Variants in LRBA observed in about 807,000 individuals in gnomAD.
LRBA encodes lipopolysaccharide-responsive and beige-like anchor protein.
A neutral mutation model predicts 330.0 loss-of-function variants in LRBA; 176 were observed. The observed-to-expected ratio is 0.53, with a 90% CI of 0.47 to 0.60. The LOEUF (loss-of-function observed/expected upper bound fraction) is 0.60. Ranked by LOEUF, LRBA falls within the 20% of genes least tolerant of loss-of-function variation. The probability of loss-of-function intolerance (pLI) is 0.00; values close to 1 mark genes in which losing one functional copy is unlikely to be tolerated. For missense variants in LRBA, 3,259 were observed against 3,444.8 expected (o/e 0.95, Z 1.35); for synonymous variants, 1,230 against 1,193.0 (o/e 1.03, Z -0.64).
rs926244428 is a variant in LRBA at position 150,364,831 on chromosome 4, A to G, written c.7195-14672T>C. On this transcript the variant is annotated intron_variant, in intron 47 of 56. Coordinates refer to ENST00000651943, the MANE Select transcript of LRBA (RefSeq NM_001364905.1). ...ATTCTTGGAACTGAGCATATAGTAGATGCCCAATAAATATTTATTGAGCTG... is the reference window on the plus strand; with the variant it reads ...ATTCTTGGAACTGAGCATATAGTAGGTGCCCAATAAATATTTATTGAGCTG... Among the ~76,000 whole-genome samples the G allele has an allele frequency of 2.0e-5, 3 of 152,264 alleles. No individual in the cohort carries two copies. The East Asian group carries it at 5.8e-4, about 29-fold the overall frequency.
In LRBA at chr4:150,639,811, GTGTGTGTGTATATATATA is replaced by G. The variant is rs1778426399; in HGVS notation, c.5922-40698_5922-40681del. On this transcript the variant is annotated intron_variant, in intron 37 of 56. Transcript: ENST00000651943. ...TGTGTGTATATATATATATATGTGT[GTGTGTGTGTATATATATA>G]TATATATATATATATATATATATAT... 4.1e-3 allele frequency among the ~76,000 whole-genome samples: 57 copies of G among 13,830 alleles called. 10 individuals carry two copies. Among genetic ancestry groups the G allele is most frequent in the East Asian group, 0.034 (11 of 328 alleles). The allele number at this position is 13,830 out of a possible 152,430, so 9.1% of individuals were successfully genotyped here. A position where few individuals can be genotyped will look rare whatever the true frequency, so the allele number is the denominator to read the frequency against.
intron 2 of LRBA, among the ~76,000 whole-genome samples, chr4:150,941,010 T>G (rs963980454): frequency 2.0e-5 from 3 of 152,090 alleles, no homozygotes; most frequent in Admixed American, 6.6e-5. Context: ...CTGTGCTGCT[T>G]TTTTAACGGG....
chr4:150,479,796 T>C (rs548302837), intron 42 of LRBA, among the ~76,000 whole-genome samples: 1 of 152,182 alleles, frequency 6.6e-6, no homozygotes, highest in African/African-American at 2.4e-5. Context: ...TCCCATGTCA[T>C]GTAACACTCC....
chr4:150,755,877 GA>G lies in LRBA; in HGVS notation c.5645+5905del, dbSNP rs779015665. 7.8e-3 allele frequency among the ~76,000 whole-genome samples: 1,078 copies of G among 138,126 alleles called. 4 individuals are homozygous for G. Among genetic ancestry groups the G allele is most frequent in the Non-Finnish European group, 0.011 (683 of 63,110 alleles). 90.6% of individuals were successfully genotyped at this position (138,126 alleles called of 152,430 possible). On this transcript the variant is annotated intron_variant, in intron 35 of 56. Coordinates refer to ENST00000651943, the MANE Select transcript of LRBA (RefSeq NM_001364905.1). ...ACATGGCAAAACCCCATCTCTACAA[GA>G]AAAAAAAAAAAATTAAAAATTAGCC... is the stretch of plus-strand genomic sequence containing the variant.
At chr4:150,883,993 T>C (rs1560959016) in intron 17 of LRBA, among the ~76,000 whole-genome samples, 1 of 152,112 alleles carries the variant, frequency 6.6e-6, no homozygotes, top group East Asian at 1.9e-4. Context: ...CTGAAAAATA[T>C]TTATTGTTGA....
chr4:150,376,391 A>C (rs1247410011), intron 47 of LRBA, among the ~76,000 whole-genome samples: 1 of 152,232 alleles, frequency 6.6e-6, no homozygotes, highest in Non-Finnish European at 1.5e-5. Context: ...GTTTTCGCCT[A>C]AATAAAATAA....
At chr4:150,785,972 T>C (rs1430306387) in intron 34 of LRBA, among the ~76,000 whole-genome samples, 1 of 152,160 alleles carries the variant, frequency 6.6e-6, no homozygotes, top group Non-Finnish European at 1.5e-5. Flanking sequence ...CGGAATCATC[T>C]TTGGGAGCCT....
chr4:150,304,688 G>C (rs1253854060), intron 52 of LRBA, among the ~76,000 whole-genome samples: 1 of 151,954 alleles, frequency 6.6e-6, no homozygotes, highest in South Asian at 2.1e-4. Flanking sequence ...AAAAAAAATT[G>C]AGCAAATTAA....
In LRBA at chr4:150,595,453, C is replaced by G. The variant is rs79730284; in HGVS notation, c.6046+3554G>C. Among the ~76,000 whole-genome samples the G allele has an allele frequency of 5.9e-3, 890 of 151,950 alleles. 8 individuals carry two copies. Among genetic ancestry groups the G allele is most frequent in the African/African-American group, 0.02 (836 of 41,530 alleles). On this transcript the variant is annotated intron_variant, in intron 38 of 56. Transcript: ENST00000651943. ...AACCAAATGAGTTACTTGTATCATT[C>G]CATATGCTTACAAGATACTTTTAAA...
chr4:150,365,171 G>A (rs990847208), intron 47 of LRBA, among the ~76,000 whole-genome samples: 3 of 151,774 alleles, frequency 2.0e-5, no homozygotes, highest in Admixed American at 1.3e-4. Context: ...CACACCCGGC[G>A]AATTTTTTTA....
At chr4:150,415,362 A>G in intron 47 of LRBA, 76 bp downstream of exon 47, 1 of 1,349,482 alleles carries the variant, frequency 7.4e-7, no homozygotes, top group Non-Finnish European at 1.0e-6. Flanking sequence ...GCAAGGGTTA[A>G]TGATTATACA....
At chr4:150,489,969 A>G (rs1239188822) in intron 41 of LRBA, among the ~76,000 whole-genome samples, 1 of 151,262 alleles carries the variant, frequency 6.6e-6, no homozygotes, top group Non-Finnish European at 1.5e-5. Context: ...AAAGAAAATG[A>G]ATGAGGATGA....
chr4:150,871,390 A>G lies in LRBA; in HGVS notation c.2322T>C (p.Leu774=). Residue 774 remains leucine, a synonymous_variant, in exon 19 of 57, where the codon CTT becomes CTC. Coordinates refer to ENST00000651943, the MANE Select transcript of LRBA (RefSeq NM_001364905.1). ...TGGTCATTGTGATTAAATTTGTCTG[A>G]AGCATGAGCCTTTCAGCTAGCAATG... ...LFSLLAERLM[L]QTNLITMTTY... is the part of the protein sequence containing the mutation. The G allele has an allele frequency of 6.2e-7, 1 of 1,612,598 alleles. No homozygotes were observed. Among genetic ancestry groups the G allele is most frequent in the African/African-American group, 1.3e-5 (1 of 75,052 alleles).
At chr4:150,862,243 A>G (rs947872614) in intron 22 of LRBA, among the ~76,000 whole-genome samples, 3 of 152,198 alleles carry the variant, frequency 2.0e-5, no homozygotes, top group Non-Finnish European at 2.9e-5. Flanking sequence ...TGTTTATTGC[A>G]GCACTATTCA....
intron 40 of LRBA, among the ~76,000 whole-genome samples, chr4:150,508,292 G>GTT (rs112056063): frequency 2.1e-4 from 28 of 133,786 alleles, no homozygotes; most frequent in Non-Finnish European, 3.8e-4. Flanking sequence ...GTTTTGTTTT[G>GTT]TTTTTTTTGA....
At chr4:150,546,556 A>C (rs747327708) in intron 40 of LRBA, among the ~76,000 whole-genome samples, 3 of 152,074 alleles carry the variant, frequency 2.0e-5, no homozygotes, top group Non-Finnish European at 4.4e-5. Context: ...TTTAGGCCTC[A>C]CTCAAAATAC....
rs112051928 is a variant in LRBA, at chr4:150,627,161, A to G, written c.5922-28030T>C. Reference sequence around the variant, plus strand: ...ACATACAAGTCATTTTGGGCTGCTCAGTATTCCTGGTCCTATTTCAACAAA... The same window carrying G: ...ACATACAAGTCATTTTGGGCTGCTCGGTATTCCTGGTCCTATTTCAACAAA... On this transcript the variant is annotated intron_variant, in intron 37 of 56. Coordinates refer to ENST00000651943, the MANE Select transcript of LRBA (RefSeq NM_001364905.1). 1.2e-3 allele frequency among the ~76,000 whole-genome samples: 185 copies of G among 152,258 alleles called. 3 individuals are homozygous for G. Among genetic ancestry groups the G allele is most frequent in the African/African-American group, 4.4e-3 (181 of 41,576 alleles).
chr4:150,841,709 G>A lies in LRBA; in HGVS notation c.4569+2391C>T, dbSNP rs148897374. Among the ~76,000 whole-genome samples, 1,117 of 151,944 alleles carry A rather than the reference G, an allele frequency of 7.4e-3. 6 individuals are homozygous for A. The highest frequency in any genetic ancestry group is 0.025 in the African/African-American group (1,047 of 41,418). ...GCTCTGTCGCCCAGGCTGGACTGCA[G>A]TGGTGTGACCTGGGCTCACTGCAAG... On this transcript the variant is annotated intron_variant, in intron 28 of 56. Coordinates refer to ENST00000651943, the MANE Select transcript of LRBA (RefSeq NM_001364905.1).
At chr4:150,385,208 T>G (rs1416359992) in intron 47 of LRBA, among the ~76,000 whole-genome samples, 1 of 152,160 alleles carries the variant, frequency 6.6e-6, no homozygotes, top group Non-Finnish European at 1.5e-5. Context: ...GATTTTACTT[T>G]TTTCCCACAT....
Sources: allele counts gnomAD v4.1 joint callset (sites outside exome capture counted in the v4.1 genomes callset), GRCh38; gene constraint gnomAD v4.1.1; transcripts MANE v1.5; gene names NCBI Gene and HGNC (gene_info 2026-07-23, HGNC 2026-07-21).